Variants in SLC30A6 observed in about 807,000 individuals in gnomAD.
SLC30A6 encodes zinc transporter 6.
A neutral mutation model predicts 63.0 loss-of-function variants in SLC30A6; 55 were observed. The observed-to-expected ratio is 0.87, with a 90% CI of 0.70 to 1.09. The LOEUF (loss-of-function observed/expected upper bound fraction) is 1.09. SLC30A6 is among the 50% of genes least tolerant of loss of function. The pLI, the probability that SLC30A6 is intolerant of heterozygous loss-of-function variation, is 0.00. For synonymous variants in SLC30A6, 224 were observed against 186.1 expected (o/e 1.20, Z -1.66); for missense variants, 587 against 549.2 (o/e 1.07, Z -0.69).
intron 1 of SLC30A6, among the ~76,000 whole-genome samples, chr2:32,169,216 C>G (rs1680953326): frequency 6.6e-6 from 1 of 152,056 alleles, no homozygotes; most frequent in African/African-American, 2.4e-5. Flanking sequence ...CGCTCTGTTG[C>G]CCAGGCTTGA....
chr2:32,167,346 A>T (rs1294133903), intron 1 of SLC30A6, among the ~76,000 whole-genome samples: 1 of 125,734 alleles, frequency 8.0e-6, no homozygotes, highest in Non-Finnish European at 1.8e-5. Flanking sequence ...AAGTGCTGGG[A>T]TTACAGGCGT....
intron 10 of SLC30A6, among the ~76,000 whole-genome samples, chr2:32,200,834 G>GAAA (rs59434197): frequency 0.59 from 87,193 of 149,036 alleles, 25,557 homozygotes; most frequent in Admixed American, 0.61. Context: ...GATCAATAAA[G>GAAA]AAAAAAATAA....
chr2:32,204,024 A>G (rs1684525664), intron 10 of SLC30A6: 3 of 660,726 alleles, frequency 4.5e-6, no homozygotes, highest in East Asian at 5.4e-5. Flanking sequence ...ATCTACCAGT[A>G]TGAGGTTGCC....
intron 2 of SLC30A6, among the ~76,000 whole-genome samples, chr2:32,173,018 G>C (rs1457218602): frequency 6.6e-6 from 1 of 152,182 alleles, no homozygotes; most frequent in Non-Finnish European, 1.5e-5. Flanking sequence ...TTCACTTGTT[G>C]CCTACTGAAA....
At chr2:32,175,589 A>G (rs1681661348) in intron 4 of SLC30A6, among the ~76,000 whole-genome samples, 1 of 151,692 alleles carries the variant, frequency 6.6e-6, no homozygotes, top group Non-Finnish European at 1.5e-5. Flanking sequence ...TAGATTATGA[A>G]GAAGTTTTCT....
At chr2:32,173,807 T>G (rs1300833973) in intron 2 of SLC30A6, among the ~76,000 whole-genome samples, 2 of 152,246 alleles carry the variant, frequency 1.3e-5, no homozygotes, top group African/African-American at 4.8e-5. Flanking sequence ...TGTATTTTTC[T>G]CAACTATTTG....
chr2:32,211,167 T>C (rs1685224881), intron 13 of SLC30A6, among the ~76,000 whole-genome samples: 1 of 152,242 alleles, frequency 6.6e-6, no homozygotes, highest in Admixed American at 6.5e-5. Flanking sequence ...TCCTCGACTG[T>C]ACACCATGGC....
intron 13 of SLC30A6, among the ~76,000 whole-genome samples, chr2:32,215,447 A>T (rs974515081): frequency 6.6e-6 from 1 of 150,522 alleles, no homozygotes; most frequent in Admixed American, 6.6e-5. Context: ...CATCTACCTC[A>T]GCCTCCCAAA....
intron 11 of SLC30A6, among the ~76,000 whole-genome samples, chr2:32,205,413 C>A (rs1018645826): frequency 6.6e-6 from 1 of 151,960 alleles, no homozygotes; most frequent in African/African-American, 2.4e-5. Context: ...GAGCAAGACT[C>A]CATCTCAAAA....
rs1683881909 is a variant in SLC30A6 at position 32,197,326 on chromosome 2, A to G, written c.497-18A>G. ...TTTTTTCTTCTATATAGATAATTTA[A>G]GTATTTTCTTCTTAAAGCTGCTAGT... On this transcript the variant is annotated intron_variant, in intron 8 of 13. Transcript: ENST00000282587. 1 of 1,602,910 alleles carries G rather than the reference A, an allele frequency of 6.2e-7. No individual in the cohort carries two copies. Among genetic ancestry groups the G allele is most frequent in the African/African-American group, 1.3e-5 (1 of 74,396 alleles).
At chr2:32,184,613 A>G (rs1377008962) in intron 5 of SLC30A6, among the ~76,000 whole-genome samples, 1 of 152,090 alleles carries the variant, frequency 6.6e-6, no homozygotes, top group Non-Finnish European at 1.5e-5. Context: ...AAAAATACAA[A>G]AATTAGCCAG....
chr2:32,196,647 C>T (rs767358036), intron 8 of SLC30A6, among the ~76,000 whole-genome samples: 6 of 152,152 alleles, frequency 3.9e-5, no homozygotes, highest in Non-Finnish European at 7.3e-5. Flanking sequence ...CTCCTATGAG[C>T]ATTTCCTTTG....
At chr2:32,201,720 T>TTATGTACTTCCATTAAGTACAGGC in intron 10 of SLC30A6, 1 of 1,359,784 alleles carries the variant, frequency 7.4e-7, no homozygotes, top group Non-Finnish European at 1.0e-6. Flanking sequence ...GGCTAATGGA[T>TTATGTACTTCCATTAAGTACAGGC]TATGGACCTG....
chr2:32,208,585 C>G (rs1000765968), intron 12 of SLC30A6, among the ~76,000 whole-genome samples: 1 of 151,848 alleles, frequency 6.6e-6, no homozygotes, highest in Non-Finnish European at 1.5e-5. Context: ...CGGTCAAATG[C>G]TGTGATTTTT....
intron 4 of SLC30A6, among the ~76,000 whole-genome samples, chr2:32,179,483 C>T (rs1682090461): frequency 2.6e-5 from 4 of 152,192 alleles, no homozygotes; most frequent in African/African-American, 7.2e-5. Context: ...TGTTAAAATA[C>T]ATATTGCTTC....
chr2:32,204,545 C>A, intron 10 of SLC30A6, 45 bp from the exon 11 acceptor site: 1 of 1,278,682 alleles, frequency 7.8e-7, no homozygotes, highest in Non-Finnish European at 1.1e-6. Flanking sequence ...GTAATATGCC[C>A]AGTGAGATAT....
At chr2:32,211,045 G>C (rs1259904119) in intron 13 of SLC30A6, among the ~76,000 whole-genome samples, 3 of 152,170 alleles carry the variant, frequency 2.0e-5, no homozygotes, top group African/African-American at 7.2e-5. Context: ...TTTCTAAGCT[G>C]CTTTTAAGCT....
chr2:32,219,181 A>C (rs212702), intron 13 of SLC30A6, among the ~76,000 whole-genome samples: 6 of 151,822 alleles, frequency 4.0e-5, no homozygotes, highest in South Asian at 2.1e-4. Context: ...TTATAGGCAC[A>C]TGTCACCACA....
At chr2:32,193,046 T>G in intron 7 of SLC30A6, 93 bp downstream of exon 7, 1 of 794,998 alleles carries the variant, frequency 1.3e-6, no homozygotes, top group East Asian at 3.1e-5. Flanking sequence ...GATTTCAGAC[T>G]GTGGCAACAT....
Sources: gnomAD v4.1 joint callset for allele counts (sites outside exome capture counted in the v4.1 genomes callset) on GRCh38, gnomAD v4.1.1 for gene constraint, MANE v1.5 for transcripts, NCBI Gene and HGNC (gene_info 2026-07-23, HGNC 2026-07-21) for gene names.